CTNNA3: variants seen among roughly 807,000 people sequenced by gnomAD.
CTNNA3 encodes the protein catenin alpha-3.
Under a neutral mutation model 95.7 loss-of-function variants are expected in CTNNA3, and 76 were observed. The ratio of observed to expected loss-of-function variants is 0.79; its 90% CI spans 0.66 to 0.96. The LOEUF (loss-of-function observed/expected upper bound fraction) is 0.96. Ranked by LOEUF, CTNNA3 falls within the 40% of genes least tolerant of loss-of-function variation. CTNNA3 has a pLI of 0.00. For missense variants in CTNNA3, 1,191 were observed against 1,089.8 expected (o/e 1.09, Z -1.31); for synonymous variants, 431 against 374.4 (o/e 1.15, Z -1.74).
intron 5 of CTNNA3, among the ~76,000 whole-genome samples, chr10:67,415,292 CT>C (rs1202180263): frequency 3.9e-5 from 6 of 152,286 alleles, no homozygotes; most frequent in African/African-American, 1.4e-4. Flanking sequence ...TAATAAGCAA[CT>C]TTAGCAAAGT....
intron 17 of CTNNA3, among the ~76,000 whole-genome samples, chr10:65,936,207 A>G (rs1418355668): frequency 6.6e-6 from 1 of 152,118 alleles, no homozygotes; most frequent in African/African-American, 2.4e-5. Context: ...ATAATAGATA[A>G]ATGTTGATTA....
At chr10:67,037,099 G>A (rs1854107577) in intron 7 of CTNNA3, among the ~76,000 whole-genome samples, 2 of 151,996 alleles carry the variant, frequency 1.3e-5, no homozygotes, top group African/African-American at 4.8e-5. Context: ...CATTTGACTG[G>A]GTGAGGATCT....
At chr10:66,826,175 T>G (rs537216488) in intron 7 of CTNNA3, among the ~76,000 whole-genome samples, 308 of 152,348 alleles carry the variant, frequency 2.0e-3, no homozygotes, top group African/African-American at 6.8e-3. Flanking sequence ...ATGTCAATCT[T>G]ACGAAAATTG....
chr10:66,347,845 A>G (rs185620548), intron 12 of CTNNA3, among the ~76,000 whole-genome samples: 323 of 152,194 alleles, frequency 2.1e-3, no homozygotes, highest in African/African-American at 7.4e-3. Context: ...GAGACTACCC[A>G]TCATGTATAC....
At chr10:67,103,014 T>G (rs997663931) in intron 7 of CTNNA3, among the ~76,000 whole-genome samples, 1 of 151,914 alleles carries the variant, frequency 6.6e-6, no homozygotes, top group South Asian at 2.1e-4. Context: ...ATAATATCCT[T>G]GAAGTTACTA....
At chr10:66,335,796 G>T (rs1460012655) in intron 12 of CTNNA3, among the ~76,000 whole-genome samples, 1 of 152,112 alleles carries the variant, frequency 6.6e-6, no homozygotes, top group African/African-American at 2.4e-5. Context: ...GGTTTCTGCT[G>T]CCTTTTGTTT....
intron 13 of CTNNA3, among the ~76,000 whole-genome samples, chr10:66,126,318 TTAGAA>T (rs2082828849): frequency 6.6e-6 from 1 of 152,196 alleles, no homozygotes; most frequent in South Asian, 2.1e-4. Flanking sequence ...TTTTTCATTG[TTAGAA>T]TAGAAGTTTA....
intron 9 of CTNNA3, among the ~76,000 whole-genome samples, chr10:66,743,792 A>C (rs1849406270): frequency 6.6e-6 from 1 of 152,016 alleles, no homozygotes; most frequent in Non-Finnish European, 1.5e-5. Context: ...CCTGGTCAAC[A>C]TGGTGAAATC....
chr10:67,340,422 C>CA (rs1392974505), intron 5 of CTNNA3, among the ~76,000 whole-genome samples: 10 of 152,298 alleles, frequency 6.6e-5, no homozygotes, highest in Non-Finnish European at 1.0e-4. Flanking sequence ...GGTTTGAATG[C>CA]AAAAAACTGC....
chr10:66,709,546 CCT>C (rs1202522717), intron 9 of CTNNA3, among the ~76,000 whole-genome samples: 1 of 151,960 alleles, frequency 6.6e-6, no homozygotes, highest in Non-Finnish European at 1.5e-5. Flanking sequence ...CGAGAAAAAA[CCT>C]CTATTTTTTG....
At chr10:67,196,425 AAAG>A (rs1863372876) in intron 6 of CTNNA3, among the ~76,000 whole-genome samples, 1 of 152,088 alleles carries the variant, frequency 6.6e-6, no homozygotes, top group African/African-American at 2.4e-5. Flanking sequence ...CAACAGAAAA[AAAG>A]AAAATATTTT....
intron 5 of CTNNA3, among the ~76,000 whole-genome samples, chr10:67,314,663 G>C (rs994255982): frequency 1.3e-5 from 2 of 152,002 alleles, no homozygotes; most frequent in Admixed American, 6.6e-5. Context: ...CTCATAAAAG[G>C]GTTTTGTTTT....
At chr10:67,631,414 T>G (rs1056561760) in intron 2 of CTNNA3, among the ~76,000 whole-genome samples, 2 of 152,170 alleles carry the variant, frequency 1.3e-5, no homozygotes, top group South Asian at 4.1e-4. Context: ...TAGAGTGACA[T>G]AATAGTATCT....
At chr10:67,552,785 C>T (rs1186402000) in intron 3 of CTNNA3, among the ~76,000 whole-genome samples, 1 of 152,094 alleles carries the variant, frequency 6.6e-6, no homozygotes, top group Non-Finnish European at 1.5e-5. Flanking sequence ...TCTGTTCCTG[C>T]ATTAGTTTGC....
At chr10:67,714,624 A>C (rs1841132032) in intron 1 of CTNNA3, among the ~76,000 whole-genome samples, 1 of 152,224 alleles carries the variant, frequency 6.6e-6, no homozygotes, top group Non-Finnish European at 1.5e-5. Flanking sequence ...AAAATGAGTT[A>C]AGACTTCCAG....
At chr10:66,181,330 T>A (rs772764858) in intron 13 of CTNNA3, among the ~76,000 whole-genome samples, 16 of 152,184 alleles carry the variant, frequency 1.1e-4, no homozygotes, top group Non-Finnish European at 1.9e-4. Flanking sequence ...ATTTGCAGAA[T>A]TGTCAGTTAT....
chr10:66,812,625 C>A lies in CTNNA3; in HGVS notation c.1048-37101G>T, dbSNP rs561082244. On this transcript the variant is annotated intron_variant, in intron 7 of 17. Coordinates refer to ENST00000433211, the MANE Select transcript of CTNNA3 (RefSeq NM_013266.4). ...TACTTCATAAGGTGAGAATTAAATA[C>A]GTTAGTACATAAAAAGTGCTTAGAA... 1.7e-3 allele frequency among the ~76,000 whole-genome samples: 251 copies of A among 152,046 alleles called. 1 individual carries two copies. Among genetic ancestry groups the A allele is most frequent in the African/African-American group, 5.6e-3 (234 of 41,488 alleles).
At chr10:67,518,435 C>T (rs1022859316) in intron 5 of CTNNA3, among the ~76,000 whole-genome samples, 2 of 151,996 alleles carry the variant, frequency 1.3e-5, no homozygotes, top group Non-Finnish European at 2.9e-5. Context: ...AATAGTATGC[C>T]GTGATCAGAG....
intron 3 of CTNNA3, among the ~76,000 whole-genome samples, chr10:67,572,096 C>T (rs770300651): frequency 8.6e-5 from 13 of 151,928 alleles, no homozygotes; most frequent in Non-Finnish European, 1.3e-4. Context: ...ATATTGATTG[C>T]ATGTTGAAAT....
Sources: gnomAD v4.1 joint callset for allele counts (sites outside exome capture counted in the v4.1 genomes callset) on GRCh38, gnomAD v4.1.1 for gene constraint, MANE v1.5 for transcripts, NCBI Gene and HGNC (gene_info 2026-07-23, HGNC 2026-07-21) for gene names.